MSRA: variants seen among roughly 807,000 people sequenced by gnomAD.
MSRA encodes the protein methionine sulfoxide reductase A.
MSRA carries 54 observed loss-of-function variants against 31.3 expected under a neutral mutation model. That is an observed-to-expected ratio of 1.73 (90% CI 1.39 to 2.17). The LOEUF (loss-of-function observed/expected upper bound fraction) is 2.17. Ranked by LOEUF, MSRA falls within the 30% of genes most tolerant of loss-of-function variation. MSRA has a pLI of 0.00. For missense variants in MSRA, 507 were observed against 300.9 expected (o/e 1.69, Z -5.07); for synonymous variants, 169 against 116.5 (o/e 1.45, Z -2.90).
intron 2 of MSRA, among the ~76,000 whole-genome samples, chr8:10,224,130 A>G (rs560329505): frequency 1.3e-5 from 2 of 152,358 alleles, no homozygotes; most frequent in Admixed American, 6.5e-5. Context: ...TGATGCGCAC[A>G]TCATAGCTAG....
intron 5 of MSRA, among the ~76,000 whole-genome samples, chr8:10,335,033 G>A (rs1427288538): frequency 1.3e-5 from 2 of 152,208 alleles, no homozygotes; most frequent in Non-Finnish European, 2.9e-5. Context: ...CCTGCGCCAT[G>A]GCCCCGTGCA....
intron 5 of MSRA, chr8:10,353,744 C>G (rs182569128): frequency 1.2e-5 from 5 of 426,316 alleles, no homozygotes; most frequent in Non-Finnish European, 2.4e-5. Flanking sequence ...CCTGAGATAC[C>G]CAGCAGAGGA....
chr8:10,101,197 C>G (rs755152392), intron 1 of MSRA, among the ~76,000 whole-genome samples: 6 of 152,082 alleles, frequency 3.9e-5, no homozygotes, highest in African/African-American at 7.2e-5. Context: ...TTATGTAAAC[C>G]TAATTTCTTC....
At chr8:10,059,591 C>T (rs1408768279) in intron 1 of MSRA, among the ~76,000 whole-genome samples, 6 of 152,060 alleles carry the variant, frequency 3.9e-5, no homozygotes, top group Non-Finnish European at 5.9e-5. Context: ...ACTTGAAAAT[C>T]GGAAAACGTA....
At position 10,054,592 on chromosome 8, in the gene MSRA, T is replaced by A; in HGVS notation, c.76T>A (p.Ser26Thr). ...CTTTCCCGTCCCGAGGATGGGCAACTCGGCCTCGAACATCGTCAGCCCCCA... is the reference window on the plus strand; with the variant it reads ...CTTTCCCGTCCCGAGGATGGGCAACACGGCCTCGAACATCGTCAGCCCCCA... ...SLFPVPRMGN[S>T]ASNIVSPQEA... The change falls in exon 1 of 6, where the codon TCG becomes ACG. Residue 26 changes from serine to threonine, a missense_variant. Transcript: ENST00000317173. The A allele has an allele frequency of 1.3e-6, 2 of 1,581,512 alleles. No homozygotes were observed. The highest frequency in any genetic ancestry group is 1.7e-6 in the Non-Finnish European group (2 of 1,164,474).
chr8:10,336,767 C>T (rs1803072812), intron 5 of MSRA: 1 of 152,216 alleles, frequency 6.6e-6, no homozygotes, highest in Non-Finnish European at 1.5e-5. Context: ...TGTGTATACA[C>T]ATTTGCTTGG....
rs569852515 is a variant in MSRA, at chr8:10,418,999, T to C, written c.544-9149T>C. Among the ~76,000 whole-genome samples the C allele has an allele frequency of 9.9e-5, 15 of 151,948 alleles. No individual in the cohort carries two copies. The South Asian group carries it at 3.1e-3, about 32-fold the overall frequency. On this transcript the variant is annotated intron_variant, in intron 5 of 5. Transcript: ENST00000317173. The stretch of plus-strand genomic sequence containing the variant: ...CAAAAATATGTCTATAGGTCAGTCC[T>C]ACTAAGGCGGGAGGTGAATACATAC...
chr8:10,063,802 A>C (rs745309853), intron 1 of MSRA, among the ~76,000 whole-genome samples: 3 of 152,216 alleles, frequency 2.0e-5, no homozygotes, highest in Non-Finnish European at 2.9e-5. Flanking sequence ...GTGAGAAAGA[A>C]GCTCCTATTA....
At chr8:10,147,449 G>A (rs1323587935) in intron 1 of MSRA, among the ~76,000 whole-genome samples, 1 of 152,162 alleles carries the variant, frequency 6.6e-6, no homozygotes, top group East Asian at 1.9e-4. Context: ...CAACGTAGTG[G>A]CTGACTTCTC....
chr8:10,386,871 T>TA (rs1806424520), intron 5 of MSRA, among the ~76,000 whole-genome samples: 5 of 97,440 alleles, frequency 5.1e-5, no homozygotes, highest in Admixed American at 1.0e-4. Flanking sequence ...AGTGGATTAT[T>TA]TAAAAAAAAA....
At chr8:10,259,443 A>G (rs1798353237) in intron 3 of MSRA, among the ~76,000 whole-genome samples, 1 of 152,152 alleles carries the variant, frequency 6.6e-6, no homozygotes, top group African/African-American at 2.4e-5. Flanking sequence ...GTGGTAAAGG[A>G]CATACTTCCT....
At chr8:10,180,858 A>G (rs1806473907) in intron 1 of MSRA, among the ~76,000 whole-genome samples, 1 of 152,196 alleles carries the variant, frequency 6.6e-6, no homozygotes, top group African/African-American at 2.4e-5. Context: ...CTGTACTAAA[A>G]TGCTCCATCT....
chr8:10,393,547 C>T (rs1405956002), intron 5 of MSRA, among the ~76,000 whole-genome samples: 1 of 152,114 alleles, frequency 6.6e-6, no homozygotes, highest in African/African-American at 2.4e-5. Flanking sequence ...GACTGGTGCC[C>T]AGGTATTGCA....
intron 1 of MSRA, among the ~76,000 whole-genome samples, chr8:10,109,953 T>C (rs962924220): frequency 9.9e-5 from 15 of 152,158 alleles, no homozygotes; most frequent in African/African-American, 3.4e-4. Context: ...TTTCCACATA[T>C]GTAAAGATTC....
chr8:10,166,476 C>T (rs1377067382), intron 1 of MSRA, among the ~76,000 whole-genome samples: 2 of 151,986 alleles, frequency 1.3e-5, no homozygotes, highest in African/African-American at 2.4e-5. Flanking sequence ...TACATGACTA[C>T]ATATGTGTGT....
chr8:10,325,200 A>G (rs1355503137), intron 5 of MSRA, among the ~76,000 whole-genome samples: 2 of 152,176 alleles, frequency 1.3e-5, no homozygotes, highest in Non-Finnish European at 2.9e-5. Context: ...GCCACGATGG[A>G]GTGACTTTCT....
At chr8:10,301,064 C>T (rs976976646) in intron 3 of MSRA, among the ~76,000 whole-genome samples, 7 of 152,184 alleles carry the variant, frequency 4.6e-5, no homozygotes, top group East Asian at 1.9e-4. Flanking sequence ...CTCATGTGAA[C>T]GAGTGATCAG....
intron 4 of MSRA, among the ~76,000 whole-genome samples, chr8:10,313,186 A>G (rs1801529190): frequency 6.6e-6 from 1 of 152,226 alleles, no homozygotes; most frequent in Admixed American, 6.5e-5. Context: ...CTGGCTCAGA[A>G]AAACCTGCTG....
At chr8:10,177,377 T>A (rs995824385) in intron 1 of MSRA, among the ~76,000 whole-genome samples, 3 of 152,228 alleles carry the variant, frequency 2.0e-5, no homozygotes, top group Non-Finnish European at 4.4e-5. Flanking sequence ...ATTATTTGAA[T>A]CAAGATGCTT....
Sources: allele counts gnomAD v4.1 joint callset (sites outside exome capture counted in the v4.1 genomes callset), GRCh38; gene constraint gnomAD v4.1.1; transcripts MANE v1.5; gene names NCBI Gene and HGNC (gene_info 2026-07-23, HGNC 2026-07-21).